LURAP1: variants seen among roughly 807,000 people sequenced by gnomAD.
The protein encoded by LURAP1 is NF-kappa-B activator C1orf190.
Under a neutral mutation model 19.0 loss-of-function variants are expected in LURAP1, and 14 were observed. The ratio of observed to expected loss-of-function variants is 0.74; its 90% confidence interval spans 0.49 to 1.15. The LOEUF (loss-of-function observed/expected upper bound fraction) is 1.15, where lower values mean the gene tolerates loss of function less well. LURAP1 is among the 50% of genes most tolerant of loss of function. The pLI is 0.00. For missense variants in LURAP1, 273 were observed against 309.1 expected, an observed-to-expected ratio of 0.88 and a Z score of 0.87; for synonymous variants, 129 against 131.8, an observed-to-expected ratio of 0.98 and a Z score of 0.14.
intron 1 of LURAP1, 42 bp from the exon 2 acceptor site, chr1:46,219,657 A>C: frequency 6.6e-7 from 1 of 1,521,828 alleles, no homozygotes; most frequent in Non-Finnish European, 8.8e-7. Context: ...GGGGAAACCC[A>C]TGCCCCAGAA....
chr1:46,208,755 C>T (rs1333751147), intron 1 of LURAP1, among the ~76,000 whole-genome samples: 3 of 152,084 alleles, frequency 2.0e-5, no homozygotes, highest in East Asian at 1.9e-4. Flanking sequence ...GCAGGAAAAT[C>T]GCTTGAACCC....
rs535162251 is a variant in LURAP1, at chr1:46,204,829, A to T, written c.198+1205A>T. Among the ~76,000 whole-genome samples the T allele has an allele frequency of 3.0e-4, 45 of 152,354 alleles. 2 individuals carry two copies. The South Asian group carries it at 9.3e-3, about 32-fold the overall frequency. ...ACAAACTTTAGCTCAAGGCCTAGTA[A>T]GAGCCTATCTAGACTGTCTACTTGC... On this transcript the variant is annotated intron_variant, in intron 1 of 1. Transcript: ENST00000371980.
rs1659214177 is a variant in LURAP1 at position 46,220,810 on chromosome 1, C to T, written c.*590C>T. 1 of 152,128 alleles carries T rather than the reference C, an allele frequency of 6.6e-6. No individual in the cohort carries two copies. The highest frequency in any genetic ancestry group is 1.9e-4 in the East Asian group (1 of 5,182). The allele number at this position is 152,128 out of a possible 1,614,324, so 9.4% of individuals were successfully genotyped here. A position where few individuals can be genotyped will look rare whatever the true frequency, so the allele number is the denominator to read the frequency against. On this transcript the variant is annotated 3_prime_UTR_variant, in exon 2 of 2. Coordinates refer to ENST00000371980, the MANE Select transcript of LURAP1 (RefSeq NM_001013615.3). ...TAGTATCTCTCACTACTCCCCCCAG[C>T]TAAGTAAGGATTTAAGGAATTTAGG...
At chr1:46,205,468 C>T (rs1658682061) in intron 1 of LURAP1, among the ~76,000 whole-genome samples, 1 of 152,164 alleles carries the variant, frequency 6.6e-6, no homozygotes, top group African/African-American at 2.4e-5. Context: ...CATTTTATGT[C>T]ATTGAAATGA....
At chr1:46,205,321 G>A (rs890497733) in intron 1 of LURAP1, among the ~76,000 whole-genome samples, 7 of 151,990 alleles carry the variant, frequency 4.6e-5, no homozygotes, top group Non-Finnish European at 8.8e-5. Flanking sequence ...GAGGAGAAAA[G>A]AAAAGAAAAC....
At chr1:46,212,563 G>A (rs1464311702) in intron 1 of LURAP1, among the ~76,000 whole-genome samples, 1 of 151,560 alleles carries the variant, frequency 6.6e-6, no homozygotes, top group Non-Finnish European at 1.5e-5. Flanking sequence ...TTACAGGCGT[G>A]AGCCACTGCA....
rs568809385 is a variant in LURAP1 at position 46,219,249 on chromosome 1, C to T, written c.199-450C>T. ...GGCGGAGGTTGCGGTGAGCTGAGAT[C>T]GCGCCATTGCACTCCATCCTGGACA... On this transcript the variant is annotated intron_variant, in intron 1 of 1. Transcript: ENST00000371980. 5.0e-4 allele frequency among the ~76,000 whole-genome samples: 76 copies of T among 151,094 alleles called. 2 individuals are homozygous for T. In the East Asian group the frequency reaches 5.8e-3, roughly 12 times the overall value.
At chr1:46,214,362 A>G in intron 1 of LURAP1, among the ~76,000 whole-genome samples, 1 of 151,746 alleles carries the variant, frequency 6.6e-6, no homozygotes, top group Admixed American at 6.6e-5. Flanking sequence ...AAAAAAAAAA[A>G]GGAAAAGAAA....
chr1:46,213,844 A>G (rs1658978394), intron 1 of LURAP1, among the ~76,000 whole-genome samples: 1 of 152,094 alleles, frequency 6.6e-6, no homozygotes, highest in Non-Finnish European at 1.5e-5. Flanking sequence ...AATATGGGGA[A>G]TATGATTAAC....
At chr1:46,218,651 A>G (rs538545883) in intron 1 of LURAP1, among the ~76,000 whole-genome samples, 11 of 152,284 alleles carry the variant, frequency 7.2e-5, no homozygotes, top group Admixed American at 2.0e-4. Context: ...GAGCAGGGAG[A>G]GACAGGTTCA....
At chr1:46,206,587 G>A (rs1658724642) in intron 1 of LURAP1, among the ~76,000 whole-genome samples, 1 of 152,182 alleles carries the variant, frequency 6.6e-6, no homozygotes, top group African/African-American at 2.4e-5. Context: ...AAGAGATGGT[G>A]TGAAAAGAGT....
chr1:46,212,008 C>A (rs1471320683), intron 1 of LURAP1, among the ~76,000 whole-genome samples: 1 of 152,080 alleles, frequency 6.6e-6, no homozygotes, highest in Non-Finnish European at 1.5e-5. Flanking sequence ...GTGATCTTCC[C>A]ACCTCGACCT....
chr1:46,220,226 A>G lies in LURAP1; in HGVS notation c.*6A>G. 6.3e-7 allele frequency: 1 copy of G among 1,593,810 alleles called. No homozygotes were observed. The highest frequency in any genetic ancestry group is 8.6e-7 in the Non-Finnish European group (1 of 1,168,952). ...ATGATGTGACCTTCTTGTAACAACT[A>G]TTCCACCCTTTTGTAATCCTGTGGC... is the stretch of plus-strand genomic sequence containing the variant. On this transcript the variant is annotated 3_prime_UTR_variant, in exon 2 of 2. Transcript: ENST00000371980.
At position 46,219,908 on chromosome 1, in the gene LURAP1, C is replaced by T. The variant is rs200634346; in HGVS notation, c.408C>T (p.Thr136=). The part of the protein sequence containing the change: ...SWDSLPDTST[T]DRLDSVSIGS... The stretch of plus-strand genomic sequence containing the variant: ...ACAGCCTGCCAGACACCAGCACCAC[C>T]GACCGGCTGGACAGTGTCTCTATTG... Residue 136 remains threonine, a synonymous_variant, in exon 2 of 2, where the codon ACC becomes ACT. Transcript: ENST00000371980. 2.0e-4 allele frequency: 327 copies of T among 1,613,906 alleles called. 2 individuals carry two copies. Among genetic ancestry groups the T allele is most frequent in the African/African-American group, 6.7e-5 (5 of 74,950 alleles).
intron 1 of LURAP1, among the ~76,000 whole-genome samples, chr1:46,215,708 G>A (rs1045465461): frequency 1.3e-5 from 2 of 152,180 alleles, no homozygotes; most frequent in African/African-American, 2.4e-5. Context: ...AGACCAGCCT[G>A]GGCAACATAG....
Position 46,203,565 on chromosome 1 carries a change from G to A in LURAP1, c.139G>A (p.Gly47Arg). 2 of 1,574,076 alleles carry A rather than the reference G, an allele frequency of 1.3e-6. No individual in the cohort carries two copies. The highest frequency in any genetic ancestry group is 1.7e-6 in the Non-Finnish European group (2 of 1,163,572). The change falls in exon 1 of 2, where the codon GGG becomes AGG. Residue 47 changes from glycine to arginine, a missense_variant. Coordinates refer to ENST00000371980, the MANE Select transcript of LURAP1 (RefSeq NM_001013615.3). ...AACCTCTGGCGCCCTGCTGCTCCCAGGGGCGTCTAGCACCGGCCACGACTT... is the reference window on the plus strand; with the variant it reads ...AACCTCTGGCGCCCTGCTGCTCCCAAGGGCGTCTAGCACCGGCCACGACTT... ...LGTSGALLLP[G>R]ASSTGHDLGD...
At chr1:46,217,659 C>T (rs939354544) in intron 1 of LURAP1, among the ~76,000 whole-genome samples, 1 of 152,140 alleles carries the variant, frequency 6.6e-6, no homozygotes, top group Admixed American at 6.6e-5. Context: ...GAGTTTGAGA[C>T]CAGCCTGGCT....
At chr1:46,211,927 A>G (rs1658909434) in intron 1 of LURAP1, among the ~76,000 whole-genome samples, 1 of 152,026 alleles carries the variant, frequency 6.6e-6, no homozygotes, top group Admixed American at 6.6e-5. Context: ...ACGCCTGGCC[A>G]ATTTTTGTAT....
intron 1 of LURAP1, among the ~76,000 whole-genome samples, chr1:46,213,795 C>T (rs1658977106): frequency 6.6e-6 from 1 of 151,790 alleles, no homozygotes. Context: ...TCCTAGGATA[C>T]TGACAGCCTT....
Sources: allele counts gnomAD v4.1 joint callset (sites outside exome capture counted in the v4.1 genomes callset), GRCh38; gene constraint gnomAD v4.1.1; transcripts MANE v1.5; gene names NCBI Gene and HGNC (gene_info 2026-07-23, HGNC 2026-07-21).